The following DOCK4 variants were observed in gnomAD, a reference collection of about 807,000 sequenced individuals.
DOCK4 encodes the protein dedicator of cytokinesis protein 4.
DOCK4 carries 97 observed loss-of-function variants against 268.1 expected under a neutral mutation model. The observed-to-expected ratio is 0.36, with a 90% CI of 0.31 to 0.43. The LOEUF is 0.43. Ranked by LOEUF, DOCK4 falls within the 20% of genes least tolerant of loss-of-function variation. The pLI, the probability that DOCK4 is intolerant of heterozygous loss-of-function variation, is 1.00. For missense variants in DOCK4, 2,145 were observed against 2,455.7 expected, an observed-to-expected ratio of 0.87 and a Z score of 2.67; for synonymous variants, 954 against 887.2, an observed-to-expected ratio of 1.08 and a Z score of -1.34.
chr7:111,901,775 T>C lies in DOCK4; in HGVS notation c.1219A>G (p.Thr407Ala), dbSNP rs776491150. ...PGEMRNDLYITIERGEFEKGG... is the reference protein window; with the variant it reads ...PGEMRNDLYIAIERGEFEKGG... ...TTCTCAAATTCTCCCCTTTCAATAG[T>C]GATATATAAATCATTCCTCATTTCA... Residue 407 changes from threonine to alanine, a missense_variant, in exon 14 of 53, where the codon ACT becomes GCT. Physicochemically the swap from Thr to Ala is moderately conservative, Grantham distance 58 (BLOSUM62 0). Transcript: ENST00000428084. 3 of 1,590,626 alleles carry C rather than the reference T, an allele frequency of 1.9e-6. No homozygotes were observed. The African/African-American group carries it at 4.0e-5, about 21-fold the overall frequency.
intron 36 of DOCK4, among the ~76,000 whole-genome samples, chr7:111,774,046 T>G (rs999516987): frequency 6.6e-5 from 10 of 151,038 alleles, no homozygotes; most frequent in South Asian, 2.1e-4. Context: ...GAAAAGAAAA[T>G]ATTACTGTCC....
intron 1 of DOCK4, among the ~76,000 whole-genome samples, chr7:112,120,038 G>A (rs562713211): frequency 6.2e-4 from 95 of 152,038 alleles, no homozygotes; most frequent in African/African-American, 1.7e-3. Context: ...TAGTAAAGAC[G>A]GGGTTTCACC....
At chr7:111,930,415 A>G (rs976502538) in intron 12 of DOCK4, among the ~76,000 whole-genome samples, 5 of 152,194 alleles carry the variant, frequency 3.3e-5, no homozygotes, top group Admixed American at 2.6e-4. Context: ...GAGGACATCA[A>G]TGAAGCATAA....
chr7:112,110,140 C>G (rs1490127564), intron 1 of DOCK4, among the ~76,000 whole-genome samples: 1 of 151,396 alleles, frequency 6.6e-6, no homozygotes, highest in African/African-American at 2.5e-5. Context: ...TGAATAGGAG[C>G]TTCCAAGTCT....
At chr7:111,768,215 A>G (rs897325861) in intron 37 of DOCK4, among the ~76,000 whole-genome samples, 1 of 152,220 alleles carries the variant, frequency 6.6e-6, no homozygotes, top group African/African-American at 2.4e-5. Context: ...CCTGTGGACC[A>G]TAGTTTGCAA....
At chr7:112,086,437 G>A (rs1234605199) in intron 1 of DOCK4, among the ~76,000 whole-genome samples, 1 of 152,050 alleles carries the variant, frequency 6.6e-6, no homozygotes, top group Non-Finnish European at 1.5e-5. Flanking sequence ...GAGAGTCAAT[G>A]AAACAGAAAA....
chr7:112,062,600 A>G (rs1806525312), intron 1 of DOCK4, among the ~76,000 whole-genome samples: 1 of 152,198 alleles, frequency 6.6e-6, no homozygotes, highest in African/African-American at 2.4e-5. Flanking sequence ...GGCCGACTTA[A>G]AACAATCCTG....
intron 12 of DOCK4, among the ~76,000 whole-genome samples, chr7:111,923,372 G>A (rs1346405693): frequency 1.3e-5 from 2 of 152,178 alleles, no homozygotes; most frequent in African/African-American, 4.8e-5. Flanking sequence ...GCTCCCAGCA[G>A]TTTTAAGATA....
chr7:111,977,124 G>C lies in DOCK4; in HGVS notation c.701+8C>G, dbSNP rs1225182006. 6.2e-7 allele frequency: 1 copy of C among 1,612,984 alleles called. No homozygotes were observed. Among genetic ancestry groups the C allele is most frequent in the Admixed American group, 1.7e-5 (1 of 59,880 alleles). ...AGACATTGAAACCCTATCTCCACGT[G>C]CAGGTACCTGATTGGCCGGTTCTCT... On this transcript the variant is annotated splice_region_variant and intron_variant, in intron 8 of 52. Transcript: ENST00000428084.
intron 1 of DOCK4, among the ~76,000 whole-genome samples, chr7:112,190,490 C>T (rs1819853692): frequency 6.6e-6 from 1 of 152,112 alleles, no homozygotes; most frequent in Non-Finnish European, 1.5e-5. Context: ...AGCATTTCAG[C>T]AGTTGCAGAG....
rs750548802 is a variant in DOCK4, at chr7:111,790,524, T to C, written c.3248A>G (p.Asn1083Ser). ...VTLIPQPDLR[N>S]VMIPIFHDMM... is the part of the protein sequence containing the mutation. ...ATCATGAAAAATTGGAATCATGACA[T>C]TCCGAAGATCTGGCTGGGGTATCAA... The change falls in exon 31 of 53, where the codon AAT becomes AGT. Residue 1083 changes from asparagine to serine, a missense_variant. Physicochemically the swap from Asn to Ser is conservative, Grantham distance 46 (BLOSUM62 1). This residue lies in a region of DOCK4 where 1,598 missense variants were observed against 1,986.7 expected (regional missense o/e 0.80). Coordinates refer to ENST00000428084, the MANE Select transcript of DOCK4 (RefSeq NM_001363540.2). The C allele has an allele frequency of 1.2e-6, 2 of 1,613,912 alleles. No individual in the cohort carries two copies. Among genetic ancestry groups the C allele is most frequent in the Non-Finnish European group, 8.5e-7 (1 of 1,179,850 alleles).
chr7:111,802,785 G>C (rs1800398906), intron 30 of DOCK4, among the ~76,000 whole-genome samples: 2 of 151,826 alleles, frequency 1.3e-5, no homozygotes, highest in South Asian at 4.2e-4. Context: ...ACAGAAAATA[G>C]TTAAAAAAAA....
intron 1 of DOCK4, among the ~76,000 whole-genome samples, chr7:112,023,810 A>C (rs1251613786): frequency 2.6e-5 from 4 of 152,256 alleles, no homozygotes; most frequent in Admixed American, 6.5e-5. Flanking sequence ...GTCTTTAAGA[A>C]ATTAACAAAA....
intron 1 of DOCK4, among the ~76,000 whole-genome samples, chr7:112,177,914 G>T (rs1254040503): frequency 2.6e-5 from 4 of 152,214 alleles, no homozygotes; most frequent in African/African-American, 9.6e-5. Flanking sequence ...CCATGGGCAT[G>T]ACTGGCCACG....
intron 37 of DOCK4, among the ~76,000 whole-genome samples, chr7:111,769,039 C>T (rs1797947696): frequency 6.6e-6 from 1 of 152,182 alleles, no homozygotes; most frequent in African/African-American, 2.4e-5. Flanking sequence ...TGTGAAGATA[C>T]AGCAAGATGG....
chr7:111,813,515 C>A (rs1801304618), intron 27 of DOCK4, among the ~76,000 whole-genome samples: 1 of 152,126 alleles, frequency 6.6e-6, no homozygotes, highest in Non-Finnish European at 1.5e-5. Context: ...ACAAGACAAC[C>A]ACGATTTCAT....
In DOCK4 at chr7:111,885,870, G is replaced by A. The variant is rs1807797586; in HGVS notation, c.1588-8684C>T. ...AGGCTTTGCAGCAGCAGCAGCAGCA[G>A]TAGTAGTCTCATCTTCTTTGAGATC... On this transcript the variant is annotated intron_variant, in intron 16 of 52. Coordinates refer to ENST00000428084, the MANE Select transcript of DOCK4 (RefSeq NM_001363540.2). 2.6e-5 allele frequency among the ~76,000 whole-genome samples: 4 copies of A among 152,278 alleles called. No homozygotes were observed. In the East Asian group the frequency reaches 7.7e-4, roughly 29 times the overall value.
intron 13 of DOCK4, among the ~76,000 whole-genome samples, chr7:111,912,721 A>G (rs1370474768): frequency 2.0e-5 from 3 of 152,168 alleles, no homozygotes; most frequent in Non-Finnish European, 2.9e-5. Context: ...AGACACACAC[A>G]AAGAAATAGA....
chr7:112,148,903 A>T (rs1815771688), intron 1 of DOCK4, among the ~76,000 whole-genome samples: 1 of 152,162 alleles, frequency 6.6e-6, no homozygotes, highest in South Asian at 2.1e-4. Context: ...AGGTAACATG[A>T]ACCCCAACGT....
Sources: allele counts gnomAD v4.1 joint callset (sites outside exome capture counted in the v4.1 genomes callset), GRCh38; gene constraint gnomAD v4.1.1; regional missense constraint gnomAD v4.1.1; transcripts MANE v1.5; gene names NCBI Gene and HGNC (gene_info 2026-07-23, HGNC 2026-07-21).